NRDE2: variants seen among roughly 807,000 people sequenced by gnomAD.
NRDE2 encodes NRDE-2, necessary for RNA interference, domain containing.
Under a neutral mutation model 124.2 loss-of-function variants are expected in NRDE2, and 76 were observed. The observed-to-expected ratio is 0.61, with a 90% CI of 0.51 to 0.74. NRDE2 has a LOEUF of 0.74. Ranked by LOEUF, NRDE2 falls within the 30% of genes least tolerant of loss-of-function variation. The pLI is 0.00. For synonymous variants in NRDE2, 489 were observed against 528.1 expected (o/e 0.93, Z 1.01); for missense variants, 1,314 against 1,417.3 (o/e 0.93, Z 1.17).
At chr14:90,311,087 A>G (rs996643759) in intron 4 of NRDE2, among the ~76,000 whole-genome samples, 1 of 152,220 alleles carries the variant, frequency 6.6e-6, no homozygotes, top group Admixed American at 6.5e-5. Context: ...CAATAGGATT[A>G]AAATTTGGAG....
At position 90,270,192 on chromosome 14, in the gene NRDE2, C is replaced by T. The variant is rs765756207; in HGVS notation, c.*8144G>A. 1.9e-6 allele frequency: 3 copies of T among 1,613,414 alleles called. No homozygotes were observed. The highest frequency in any genetic ancestry group is 2.5e-6 in the Non-Finnish European group (3 of 1,179,572). On this transcript the variant is annotated 3_prime_UTR_variant, in exon 14 of 14. Coordinates refer to ENST00000354366, the MANE Select transcript of NRDE2 (RefSeq NM_017970.4). ...GGTGTGACTTCAAATCTCTTTGTAC[C>T]TGCAGGCCGCATTGACAGGAAGATT...
intron 1 of NRDE2, among the ~76,000 whole-genome samples, chr14:90,319,738 AC>A (rs1336227216): frequency 1.3e-5 from 2 of 152,212 alleles, no homozygotes; most frequent in African/African-American, 4.8e-5. Context: ...GTTGATGAAC[AC>A]TTGGGTTATT....
Position 90,278,822 on chromosome 14 carries a change from G to C in NRDE2, c.3369+240C>G, listed in dbSNP as rs181711924. 119 of 570,236 alleles carry C rather than the reference G, an allele frequency of 2.1e-4. No homozygotes were observed. In the East Asian group the frequency reaches 3.4e-3, roughly 16 times the overall value. The allele number at this position is 570,236 out of a possible 1,614,324, so 35.3% of individuals were successfully genotyped here. On this transcript the variant is annotated intron_variant, in intron 13 of 13. Coordinates refer to ENST00000354366, the MANE Select transcript of NRDE2 (RefSeq NM_017970.4). Reference sequence around the variant, plus strand: ...TGGGCTGGACTCTGACCAAATGCTGGGAAACCAGCTACCCACGGCAACACT... The same window carrying C: ...TGGGCTGGACTCTGACCAAATGCTGCGAAACCAGCTACCCACGGCAACACT...
At chr14:90,278,744 T>C in intron 13 of NRDE2, 1 of 535,514 alleles carries the variant, frequency 1.9e-6, no homozygotes, top group Non-Finnish European at 3.4e-6. Context: ...GAGTGTCACC[T>C]GACCTGGGCT....
At chr14:90,287,397 C>T (rs930305833) in intron 11 of NRDE2, among the ~76,000 whole-genome samples, 3 of 151,892 alleles carry the variant, frequency 2.0e-5, no homozygotes, top group Non-Finnish European at 4.4e-5. Flanking sequence ...ACGGGTAGAT[C>T]GCTTAAGCTC....
In NRDE2 at chr14:90,317,989, G is replaced by A. The variant is rs1885107506; in HGVS notation, c.173+16C>T. 3 of 1,605,202 alleles carry A rather than the reference G, an allele frequency of 1.9e-6. No individual in the cohort carries two copies. Among genetic ancestry groups the A allele is most frequent in the African/African-American group, 1.3e-5 (1 of 74,556 alleles). On this transcript the variant is annotated intron_variant, in intron 2 of 13. Coordinates refer to ENST00000354366, the MANE Select transcript of NRDE2 (RefSeq NM_017970.4). Reference sequence around the variant, plus strand: ...AACTGACAAAAACGAAAACACATCTGTCAAACAAAAACTACCTTGTCAGCG... The same window carrying A: ...AACTGACAAAAACGAAAACACATCTATCAAACAAAAACTACCTTGTCAGCG...
intron 9 of NRDE2, 125 bp from the exon 10 acceptor site, chr14:90,290,732 C>T: frequency 8.4e-7 from 1 of 1,187,180 alleles, no homozygotes; most frequent in South Asian, 1.6e-5. Flanking sequence ...TTTAAACAGA[C>T]AGGAGCTAAG....
chr14:90,308,354 G>A (rs1178011605), intron 4 of NRDE2, among the ~76,000 whole-genome samples: 1 of 152,116 alleles, frequency 6.6e-6, no homozygotes, highest in Non-Finnish European at 1.5e-5. Context: ...CAGTGTCACT[G>A]CGGGATGCTC....
intron 3 of NRDE2, among the ~76,000 whole-genome samples, chr14:90,315,973 A>AG (rs1309103352): frequency 2.6e-5 from 4 of 151,600 alleles, no homozygotes; most frequent in East Asian, 3.9e-4. Context: ...AAAAAAAAAA[A>AG]AAAAAAGAAA....
chr14:90,305,323 G>A (rs1475283696), intron 4 of NRDE2, among the ~76,000 whole-genome samples: 3 of 152,192 alleles, frequency 2.0e-5, no homozygotes, highest in South Asian at 4.1e-4. Flanking sequence ...CGCTGTCAGC[G>A]GGAATGTAAA....
chr14:90,269,296 T>C lies in NRDE2; in HGVS notation c.*9040A>G, dbSNP rs1007480542. On this transcript the variant is annotated 3_prime_UTR_variant, in exon 14 of 14. Coordinates refer to ENST00000354366, the MANE Select transcript of NRDE2 (RefSeq NM_017970.4). ...AGTGCCATGTGAGTTGAAACAGGAATGTTTGTTAAGGTGTTTTGTCACAAT... is the reference window on the plus strand; with the variant it reads ...AGTGCCATGTGAGTTGAAACAGGAACGTTTGTTAAGGTGTTTTGTCACAAT... 1 of 1,028,128 alleles carries C rather than the reference T, an allele frequency of 9.7e-7. No homozygotes were observed. The highest frequency in any genetic ancestry group is 1.4e-6 in the Non-Finnish European group (1 of 713,222). 63.7% of individuals were successfully genotyped at this position (1,028,128 alleles called of 1,614,324 possible). A position where few individuals can be genotyped will look rare whatever the true frequency, so the allele number is the denominator to read the frequency against.
intron 10 of NRDE2, among the ~76,000 whole-genome samples, chr14:90,289,875 AC>A (rs1892222354): frequency 6.6e-6 from 1 of 152,236 alleles, no homozygotes; most frequent in African/African-American, 2.4e-5. Flanking sequence ...GGCGTGAGCC[AC>A]CGCGCCTGAC....
rs1404605679 is a variant in NRDE2, at chr14:90,298,383, G to C, written c.1546-3C>G. ...CAAAAGGGTTCAAAGAATTCCACCT[G>C]TTCAGATTTTAGAATGGACGTTAGA... is the stretch of plus-strand genomic sequence containing the variant. On this transcript the variant is annotated splice_polypyrimidine_tract_variant and splice_region_variant and intron_variant, in intron 7 of 13. Transcript: ENST00000354366. 5.6e-6 allele frequency: 9 copies of C among 1,613,614 alleles called. No individual in the cohort carries two copies. In the African/African-American group the frequency reaches 9.3e-5, roughly 17 times the overall value.
chr14:90,329,364 A>G (rs989770001), intron 1 of NRDE2, among the ~76,000 whole-genome samples: 3 of 152,112 alleles, frequency 2.0e-5, no homozygotes, highest in Non-Finnish European at 4.4e-5. Flanking sequence ...CACTTCCCCC[A>G]TTTTATTTGT....
chr14:90,326,362 C>T (rs993183052), intron 1 of NRDE2, among the ~76,000 whole-genome samples: 4 of 151,766 alleles, frequency 2.6e-5, no homozygotes, highest in African/African-American at 4.8e-5. Context: ...GGCGCGGTGG[C>T]GGGCGCCTGT....
Position 90,313,403 on chromosome 14 carries a change from G to C in NRDE2, c.408-860C>G, listed in dbSNP as rs866869211. On this transcript the variant is annotated intron_variant, in intron 3 of 13. Coordinates refer to ENST00000354366, the MANE Select transcript of NRDE2 (RefSeq NM_017970.4). ...GGCCTGCCAAAGTGCTGGGATTACA[G>C]GTGTGAGCCACCGTGCCCGGCTCAG... Among the ~76,000 whole-genome samples the C allele has an allele frequency of 2.9e-4, 44 of 152,166 alleles. 1 individual carries two copies. The highest frequency in any genetic ancestry group is 9.6e-4 in the African/African-American group (40 of 41,514).
At chr14:90,311,566 T>C (rs985017064) in intron 4 of NRDE2, among the ~76,000 whole-genome samples, 6 of 152,230 alleles carry the variant, frequency 3.9e-5, no homozygotes, top group Non-Finnish European at 1.5e-5. Flanking sequence ...TCCACCATGA[T>C]TGCGAGGTCT....
chr14:90,286,528 C>A, intron 11 of NRDE2, 36 bp from the exon 12 acceptor site: 1 of 1,599,992 alleles, frequency 6.3e-7, no homozygotes, highest in Non-Finnish European at 8.5e-7. Flanking sequence ...CTGACACAAG[C>A]TCTCTCATCC....
rs1891722127 is a variant in NRDE2 at position 90,273,526 on chromosome 14, C to T, written c.*4810G>A. On this transcript the variant is annotated 3_prime_UTR_variant, in exon 14 of 14. Transcript: ENST00000354366. ...TGAGCCAAGATCCCGTCACTGCACT[C>T]CAGCCTGGGCGACAGAGCAAGACTC... is the stretch of plus-strand genomic sequence containing the variant. 1 of 152,148 alleles carries T rather than the reference C, an allele frequency of 6.6e-6. No individual in the cohort carries two copies. Among genetic ancestry groups the T allele is most frequent in the South Asian group, 2.1e-4 (1 of 4,824 alleles). The allele number at this position is 152,148 out of a possible 1,614,324, so 9.4% of individuals were successfully genotyped here. A position where few individuals can be genotyped will look rare whatever the true frequency, so the allele number is the denominator to read the frequency against.
Sources: gnomAD v4.1 joint callset for allele counts (sites outside exome capture counted in the v4.1 genomes callset) on GRCh38, gnomAD v4.1.1 for gene constraint, MANE v1.5 for transcripts, NCBI Gene and HGNC (gene_info 2026-07-23, HGNC 2026-07-21) for gene names.